The following ZNF514 variants were observed in gnomAD, a reference collection of about 807,000 sequenced individuals.
ZNF514 encodes the protein zinc finger protein 514.
ZNF514 carries 12 observed loss-of-function variants against 9.7 expected under a neutral mutation model. That is an observed-to-expected ratio of 1.24 (90% CI 0.79 to 2.01). The LOEUF is 2.01. Among genes scored for constraint, ZNF514 ranks in the 30% most tolerant of loss-of-function variants. ZNF514 has a pLI of 0.00. For missense variants in ZNF514, 467 were observed against 465.5 expected (o/e 1.00, Z -0.03); for synonymous variants, 158 against 163.7 (o/e 0.97, Z 0.27).
Position 95,159,530 on chromosome 2 carries a change from G to A in ZNF514, c.-386C>T, listed in dbSNP as rs1239234144. On this transcript the variant is annotated 5_prime_UTR_variant, in exon 1 of 5. Transcript: ENST00000295208. ...ACACCCAGCTCTGTAAGGGGCCGGG[G>A]CGCGGGCCCAGTACAGGTCTGCGCG... The A allele has an allele frequency of 6.5e-6, 1 of 152,818 alleles. No individual in the cohort carries two copies. The highest frequency in any genetic ancestry group is 1.5e-5 in the Non-Finnish European group (1 of 68,226). 9.5% of individuals were successfully genotyped at this position (152,818 alleles called of 1,614,324 possible).
At chr2:95,150,531 T>C (rs972370672) in intron 4 of ZNF514, among the ~76,000 whole-genome samples, 7 of 152,034 alleles carry the variant, frequency 4.6e-5, no homozygotes, top group African/African-American at 1.2e-4. Flanking sequence ...GTCCAAAGAC[T>C]AAAGATGAGA....
chr2:95,124,048 A>T, the ZNF514 span, among the ~76,000 whole-genome samples: 1 of 152,148 alleles, frequency 6.6e-6, no homozygotes, highest in African/African-American at 2.4e-5. Context: ...AGATTTTATG[A>T]GTTTTACATA....
chr2:95,133,625 A>G, the ZNF514 span, among the ~76,000 whole-genome samples: 2 of 152,182 alleles, frequency 1.3e-5, no homozygotes, highest in Non-Finnish European at 2.9e-5. Context: ...TGTCTGTACT[A>G]AACATGTACA....
At chr2:95,125,547 C>T in the ZNF514 span, among the ~76,000 whole-genome samples, 1 of 152,168 alleles carries the variant, frequency 6.6e-6, no homozygotes, top group African/African-American at 2.4e-5. Context: ...CCATCTTAAT[C>T]ATTTTTAAGT....
the ZNF514 span, among the ~76,000 whole-genome samples, chr2:95,136,706 A>C: frequency 1.3e-5 from 2 of 151,750 alleles, no homozygotes; most frequent in African/African-American, 4.8e-5. Context: ...TCCATCAGAG[A>C]CTCCTGTGAC....
At position 95,146,770 on chromosome 2, in the gene ZNF514, C is replaced by G. The variant is rs1673370670; in HGVS notation, c.*2512G>C. ...CCAGTTACAAAATTGTGACAGATGT[C>G]TAGGTATAAAGTGATCTGGGTAGGT... is the stretch of plus-strand genomic sequence containing the variant. On this transcript the variant is annotated 3_prime_UTR_variant, in exon 5 of 5. Coordinates refer to ENST00000295208, the MANE Select transcript of ZNF514 (RefSeq NM_032788.3). Among the ~76,000 whole-genome samples, 1 of 151,680 alleles carries G rather than the reference C, an allele frequency of 6.6e-6. No individual in the cohort carries two copies. The highest frequency in any genetic ancestry group is 1.9e-4 in the East Asian group (1 of 5,188).
At chr2:95,153,048 C>A (rs1450895896) in intron 3 of ZNF514, 85 bp downstream of exon 3, 3 of 1,526,862 alleles carry the variant, frequency 2.0e-6, no homozygotes, top group Non-Finnish European at 2.6e-6. Context: ...CCAAACTTAG[C>A]CAACCAGCCC....
Position 95,145,730 on chromosome 2 carries a change from C to A in ZNF514, c.*3552G>T, listed in dbSNP as rs1019979862. Reference sequence around the variant, plus strand: ...CTTACATGTATTGATGTCTTACATTCCCCTAAAATGTAAAAATGCATGAAA... The same window carrying A: ...CTTACATGTATTGATGTCTTACATTACCCTAAAATGTAAAAATGCATGAAA... On this transcript the variant is annotated 3_prime_UTR_variant, in exon 5 of 5. Coordinates refer to ENST00000295208, the MANE Select transcript of ZNF514 (RefSeq NM_032788.3). 6.6e-6 allele frequency among the ~76,000 whole-genome samples: 1 copy of A among 152,188 alleles called. No individual in the cohort carries two copies. Among genetic ancestry groups the A allele is most frequent in the African/African-American group, 2.4e-5 (1 of 41,440 alleles).
At position 95,149,519 on chromosome 2, in the gene ZNF514, C is replaced by A. The variant is rs764309450; in HGVS notation, c.966G>T (p.Gly322=). 2 of 1,613,954 alleles carry A rather than the reference C, an allele frequency of 1.2e-6. No homozygotes were observed. The highest frequency in any genetic ancestry group is 1.7e-6 in the Non-Finnish European group (2 of 1,180,006). ...GTGATGAGCTCTGGCTGAAGGTTCT[C>A]CCACATTCCCGGCATTCATAGGGCT... ...GEKPYECREC[G]RTFSQSSSLI... Residue 322 remains glycine (G), a synonymous_variant, in exon 5 of 5, where the codon GGG becomes GGT. Coordinates refer to ENST00000295208, the MANE Select transcript of ZNF514 (RefSeq NM_032788.3).
downstream of ZNF514, among the ~76,000 whole-genome samples, chr2:95,140,181 T>C (rs752260556): frequency 7.9e-5 from 12 of 152,112 alleles, no homozygotes; most frequent in Non-Finnish European, 1.6e-4. Context: ...ATACCTAATG[T>C]AAATGACGAG....
At chr2:95,158,114 C>T (rs1673736370) in intron 1 of ZNF514, among the ~76,000 whole-genome samples, 1 of 152,214 alleles carries the variant, frequency 6.6e-6, no homozygotes, top group South Asian at 2.1e-4. Flanking sequence ...TTAGGCATTC[C>T]TCAAGCTTCA....
At chr2:95,142,227 G>A (rs1673250990), downstream of ZNF514, among the ~76,000 whole-genome samples, 1 of 152,128 alleles carries the variant, frequency 6.6e-6, no homozygotes, top group South Asian at 2.1e-4. Context: ...AAATACATTT[G>A]ACAAGCTCTA....
the ZNF514 span, among the ~76,000 whole-genome samples, chr2:95,124,477 T>C: frequency 2.0e-5 from 3 of 152,092 alleles, no homozygotes; most frequent in African/African-American, 7.2e-5. Flanking sequence ...CTCATATTAT[T>C]ATTTTTATTT....
At position 95,159,670 on chromosome 2, in the gene ZNF514, A is replaced by G. The variant is rs1296734931; in HGVS notation, c.-526T>C. On this transcript the variant is annotated 5_prime_UTR_variant, in exon 1 of 5. Transcript: ENST00000295208. ...CACCCCGCGCCAGCCCCCGCCCGCCACCCCGCGCCAGCCCCCGCGTCCGCC... is the reference window on the plus strand; with the variant it reads ...CACCCCGCGCCAGCCCCCGCCCGCCGCCCCGCGCCAGCCCCCGCGTCCGCC... 88 of 43,620 alleles carry G rather than the reference A, an allele frequency of 2.0e-3. No individual in the cohort carries two copies. The highest frequency in any genetic ancestry group is 2.9e-3 in the African/African-American group (37 of 12,802). 2.7% of individuals were successfully genotyped at this position (43,620 alleles called of 1,614,324 possible).
In ZNF514 at chr2:95,150,254, C is replaced by G; in HGVS notation, c.231G>C (p.Arg77Ser). The G allele has an allele frequency of 6.4e-7, 1 of 1,553,124 alleles. No individual in the cohort carries two copies. Among genetic ancestry groups the G allele is most frequent in the Middle Eastern group, 1.8e-4 (1 of 5,702 alleles). Residue 77 changes from arginine (R) to serine (S), a missense_variant, in exon 5 of 5, where the codon AGG becomes AGC. Arg to Ser is a moderately radical substitution (Grantham distance 110). Coordinates refer to ENST00000295208, the MANE Select transcript of ZNF514 (RefSeq NM_032788.3). Reference sequence around the variant, plus strand: ...TTGGCATTGATTCCTTGGATTTAGACCTTCTCTTCCAGTCTGTTAAAAAAA... The same window carrying G: ...TTGGCATTGATTCCTTGGATTTAGAGCTTCTCTTCCAGTCTGTTAAAAAAA... ...STGAHSDWKR[R>S]SKSKESMPSW...
intron 1 of ZNF514, 39 bp downstream of exon 1, chr2:95,159,201 C>T (rs1484730276): frequency 8.0e-6 from 2 of 251,226 alleles, no homozygotes; most frequent in African/African-American, 2.3e-5. Context: ...CACTGCTGCC[C>T]GGGGTCGTGC....
At chr2:95,140,997 G>T (rs1448705172), downstream of ZNF514, among the ~76,000 whole-genome samples, 1 of 151,546 alleles carries the variant, frequency 6.6e-6, no homozygotes, top group Non-Finnish European at 1.5e-5. Flanking sequence ...AGAAAAGAAA[G>T]GAATGATACA....
the ZNF514 span, among the ~76,000 whole-genome samples, chr2:95,126,392 A>AAAAAAAAAAAAAAAAGAAAG: frequency 2.4e-5 from 2 of 84,440 alleles, no homozygotes; most frequent in African/African-American, 1.1e-4. Context: ...AAAAAAAAAA[A>AAAAAAAAAAAAAAAAGAAAG]AAAGAAAGAA....
intron 1 of ZNF514, among the ~76,000 whole-genome samples, chr2:95,158,480 G>T (rs1298329491): frequency 6.6e-6 from 1 of 152,336 alleles, no homozygotes; most frequent in Middle Eastern, 3.4e-3. Flanking sequence ...ACGCTATTGG[G>T]GGAAGGGGCT....
Sources: allele counts gnomAD v4.1 joint callset (sites outside exome capture counted in the v4.1 genomes callset), GRCh38; gene constraint gnomAD v4.1.1; transcripts MANE v1.5; gene names NCBI Gene and HGNC (gene_info 2026-07-23, HGNC 2026-07-21).